The following FOXP2 variants were observed in gnomAD, a reference collection of about 807,000 sequenced individuals.
FOXP2 encodes forkhead box protein P2.
In FOXP2, 12 loss-of-function variants were observed where a neutral mutation model predicts 115.8. The observed-to-expected ratio is 0.10, with a 90% CI of 0.07 to 0.17. The LOEUF is 0.17. FOXP2 is among the 10% of genes least tolerant of loss of function. The probability of loss-of-function intolerance (pLI) is 1.00; values close to 1 mark genes in which losing one functional copy is unlikely to be tolerated. For missense variants in FOXP2, 629 were observed against 843.5 expected, an observed-to-expected ratio of 0.75 and a Z score of 3.15; for synonymous variants, 328 against 297.7, an observed-to-expected ratio of 1.10 and a Z score of -1.05.
chr7:114,105,554 C>G (rs1362454553), intron 1 of FOXP2, among the ~76,000 whole-genome samples: 1 of 151,968 alleles, frequency 6.6e-6, no homozygotes, highest in Non-Finnish European at 1.5e-5. Context: ...CCCAACTAGC[C>G]AGATGCAGTT....
intron 2 of FOXP2, among the ~76,000 whole-genome samples, chr7:114,334,511 A>C (rs1296406116): frequency 2.0e-5 from 3 of 151,982 alleles, no homozygotes; most frequent in African/African-American, 7.2e-5. Flanking sequence ...ATAGTTTCCA[A>C]AGATGATGTT....
chr7:114,666,841 G>A (rs1311861986), intron 16 of FOXP2: 2 of 152,092 alleles, frequency 1.3e-5, no homozygotes, highest in Non-Finnish European at 2.9e-5. Context: ...AATGAGGTAA[G>A]TAATAATATA....
chr7:114,388,829 T>G (rs1322201866), intron 2 of FOXP2, among the ~76,000 whole-genome samples: 2 of 152,212 alleles, frequency 1.3e-5, no homozygotes, highest in Non-Finnish European at 2.9e-5. Context: ...GCACTGGATT[T>G]GTCAAAGAAA....
Position 114,465,933 on chromosome 7 carries a change from T to A in FOXP2, c.168+39254T>A, listed in dbSNP as rs1584770210. 2.0e-5 allele frequency among the ~76,000 whole-genome samples: 3 copies of A among 152,320 alleles called. No individual in the cohort carries two copies. In the South Asian group the frequency reaches 6.2e-4, roughly 32 times the overall value. The stretch of plus-strand genomic sequence containing the variant: ...TCCCTTCCCTCCCATCTGTTGAGGC[T>A]CACTGCTAAGCCTGAATATTTGAGA... On this transcript the variant is annotated intron_variant, in intron 2 of 16. Coordinates refer to ENST00000350908, the MANE Select transcript of FOXP2 (RefSeq NM_014491.4).
At chr7:114,525,464 T>C (rs1322781713) in intron 2 of FOXP2, among the ~76,000 whole-genome samples, 1 of 152,194 alleles carries the variant, frequency 6.6e-6, no homozygotes, top group Non-Finnish European at 1.5e-5. Context: ...TATATTTATA[T>C]GTCATCAGTG....
intron 3 of FOXP2, among the ~76,000 whole-genome samples, chr7:114,568,373 A>G (rs1801124629): frequency 6.6e-6 from 1 of 150,540 alleles, no homozygotes; most frequent in African/African-American, 2.5e-5. Flanking sequence ...CTGTGTACCA[A>G]TCCAAATATA....
intron 2 of FOXP2, among the ~76,000 whole-genome samples, chr7:114,298,865 T>C (rs1448352279): frequency 2.0e-5 from 3 of 152,204 alleles, no homozygotes; most frequent in Non-Finnish European, 2.9e-5. Flanking sequence ...TTCTGAATTA[T>C]GGAATGTATT....
intron 3 of FOXP2, among the ~76,000 whole-genome samples, chr7:114,607,906 A>G (rs1803416112): frequency 1.3e-5 from 2 of 152,214 alleles, no homozygotes; most frequent in Non-Finnish European, 2.9e-5. Context: ...CTAATTTCTT[A>G]TAATTTTACA....
intron 1 of FOXP2, among the ~76,000 whole-genome samples, chr7:114,199,611 C>CA (rs1465846638): frequency 3.9e-5 from 6 of 152,144 alleles, no homozygotes; most frequent in Admixed American, 1.3e-4. Flanking sequence ...ATGGTTATCA[C>CA]ATCTGCAAAA....
intron 1 of FOXP2, among the ~76,000 whole-genome samples, chr7:114,224,594 A>G (rs1057019049): frequency 6.6e-6 from 1 of 152,112 alleles, no homozygotes; most frequent in Non-Finnish European, 1.5e-5. Flanking sequence ...TCTTCTACCC[A>G]TTTTTATTCC....
intron 3 of FOXP2, among the ~76,000 whole-genome samples, chr7:114,582,087 GA>G (rs989590842): frequency 6.6e-6 from 1 of 152,182 alleles, no homozygotes; most frequent in African/African-American, 2.4e-5. Flanking sequence ...GGGAGATGTT[GA>G]CAGTGGCAAT....
intron 2 of FOXP2, among the ~76,000 whole-genome samples, chr7:114,360,093 A>C (rs764603057): frequency 1.2e-4 from 18 of 152,116 alleles, no homozygotes; most frequent in Non-Finnish European, 2.2e-4. Context: ...ATTGAATTAC[A>C]GGGATGGGTT....
At chr7:114,597,151 A>T (rs966582434) in intron 3 of FOXP2, among the ~76,000 whole-genome samples, 21 of 152,130 alleles carry the variant, frequency 1.4e-4, no homozygotes, top group Non-Finnish European at 2.2e-4. Flanking sequence ...TCTGTGTGCA[A>T]CCTTTTAAAA....
chr7:114,428,879 TA>T (rs1337228768), intron 2 of FOXP2, among the ~76,000 whole-genome samples: 1 of 151,632 alleles, frequency 6.6e-6, no homozygotes, highest in Non-Finnish European at 1.5e-5. Context: ...AATAATTGTA[TA>T]AATTTATCTC....
At chr7:114,356,773 C>G (rs933905434) in intron 2 of FOXP2, among the ~76,000 whole-genome samples, 9 of 152,114 alleles carry the variant, frequency 5.9e-5, no homozygotes, top group Non-Finnish European at 1.3e-4. Context: ...AAAACAAAGA[C>G]AGGACATTCC....
At chr7:114,490,995 T>A (rs1021764195) in intron 2 of FOXP2, among the ~76,000 whole-genome samples, 4 of 152,068 alleles carry the variant, frequency 2.6e-5, no homozygotes, top group East Asian at 3.9e-4. Context: ...TAGCAGCATG[T>A]TTTATAATCC....
chr7:114,143,147 C>CAATAATGAT (rs1792268190), intron 1 of FOXP2, among the ~76,000 whole-genome samples: 2 of 139,552 alleles, frequency 1.4e-5, no homozygotes, highest in Admixed American at 7.3e-5. Context: ...GACCCTGTCT[C>CAATAATGAT]AATAATAATA....
At chr7:114,257,713 A>C (rs1795657026) in intron 1 of FOXP2, among the ~76,000 whole-genome samples, 1 of 152,044 alleles carries the variant, frequency 6.6e-6, no homozygotes, top group African/African-American at 2.4e-5. Context: ...TCGGCCTCCC[A>C]AAGTGCTTGG....
At chr7:114,148,767 T>G (rs1356215149) in intron 1 of FOXP2, among the ~76,000 whole-genome samples, 1 of 152,168 alleles carries the variant, frequency 6.6e-6, no homozygotes, top group Non-Finnish European at 1.5e-5. Context: ...CCCTCTTATG[T>G]TCCTTTTTCT....
Sources: gnomAD v4.1 joint callset for allele counts (sites outside exome capture counted in the v4.1 genomes callset) on GRCh38, gnomAD v4.1.1 for gene constraint, MANE v1.5 for transcripts, NCBI Gene and HGNC (gene_info 2026-07-23, HGNC 2026-07-21) for gene names.